The following KCNA10 variants were observed in gnomAD, a reference collection of about 807,000 sequenced individuals.
The protein encoded by KCNA10 is cyclic GMP gated potassium channel.
Under a neutral mutation model 21.4 loss-of-function variants are expected in KCNA10, and 16 were observed. The observed-to-expected ratio is 0.75, with a 90% CI of 0.51 to 1.14. KCNA10 has a LOEUF of 1.14. Among genes scored for constraint, KCNA10 ranks in the 50% most tolerant of loss-of-function variants. The pLI, the probability that KCNA10 is intolerant of heterozygous loss-of-function variation, is 0.00. For missense variants in KCNA10, 677 were observed against 649.1 expected (o/e 1.04, Z -0.47); for synonymous variants, 276 against 245.9 (o/e 1.12, Z -1.15).
Position 110,518,401 on chromosome 1 carries a change from A to C in KCNA10, c.387T>G (p.Tyr129Ter), listed in dbSNP as rs1647286384. ...MQFFDSMRNE[Y>*]FFDRNRPSFD... ...AACTGGGCCGGTTCCGATCAAAGAAATACTCATTTCTCATGGAGTCAAAGA... is the reference window on the plus strand; with the variant it reads ...AACTGGGCCGGTTCCGATCAAAGAACTACTCATTTCTCATGGAGTCAAAGA... Residue 129 changes from tyrosine (Y) to a stop codon, truncating the protein, a stop_gained, in exon 1 of 1, where the codon TAT becomes TAG. Coordinates refer to ENST00000369771, the MANE Select transcript of KCNA10 (RefSeq NM_005549.2). LOFTEE classifies it high-confidence loss of function. 6.2e-7 allele frequency: 1 copy of C among 1,614,114 alleles called. No individual in the cohort carries two copies. The highest frequency in any genetic ancestry group is 1.3e-5 in the African/African-American group (1 of 74,946).
chr1:110,518,251 G>A lies in KCNA10; in HGVS notation c.537C>T (p.Phe179=). The change falls in exon 1 of 1, where the codon TTC becomes TTT. Residue 179 remains phenylalanine, a synonymous_variant. Transcript: ENST00000369771. Reference sequence around the variant, plus strand: ...CTTTGATGAAGCCTTCATCCTCCCGGAACTGGTCCATGGCCTCACTACCCA... The same window carrying A: ...CTTTGATGAAGCCTTCATCCTCCCGAAACTGGTCCATGGCCTCACTACCCA... ...YELGSEAMDQ[F]REDEGFIKDP... The A allele has an allele frequency of 6.2e-7, 1 of 1,614,168 alleles. No individual in the cohort carries two copies. Among genetic ancestry groups the A allele is most frequent in the Non-Finnish European group, 8.5e-7 (1 of 1,180,028 alleles).
In KCNA10 at chr1:110,518,263, G is replaced by A. The variant is rs374239390; in HGVS notation, c.525C>T (p.Ala175=). ...EISFYELGSE[A]MDQFREDEGF... Reference sequence around the variant, plus strand: ...CTTCATCCTCCCGGAACTGGTCCATGGCCTCACTACCCAGCTCATAGAAGG... The same window carrying A: ...CTTCATCCTCCCGGAACTGGTCCATAGCCTCACTACCCAGCTCATAGAAGG... Residue 175 remains alanine, a synonymous_variant, in exon 1 of 1, where the codon GCC becomes GCT. Coordinates refer to ENST00000369771, the MANE Select transcript of KCNA10 (RefSeq NM_005549.2). 8.7e-6 allele frequency: 14 copies of A among 1,614,068 alleles called. No individual in the cohort carries two copies. Among genetic ancestry groups the A allele is most frequent in the Non-Finnish European group, 1.1e-5 (13 of 1,180,048 alleles).
In KCNA10 at chr1:110,517,891, G is replaced by T; in HGVS notation, c.897C>A (p.Phe299Leu). The change falls in exon 1 of 1, where the codon TTC becomes TTA. Residue 299 changes from phenylalanine to leucine, a missense_variant. Physicochemically the swap from Phe to Leu is conservative, Grantham distance 22. Transcript: ENST00000369771. ...CAATGATGTTCATGATGTTCCTGAA[G>T]AAGTCAGTCTTGCTGGGGCAGACCA... Reference protein sequence around the residue: ...RFVVCPSKTDFFRNIMNIIDI... With the variant: ...RFVVCPSKTDLFRNIMNIIDI... 2 of 1,614,104 alleles carry T rather than the reference G, an allele frequency of 1.2e-6. No individual in the cohort carries two copies. The highest frequency in any genetic ancestry group is 2.7e-5 in the African/African-American group (2 of 75,042).
rs781216125 is a variant in KCNA10 at position 110,517,692 on chromosome 1, G to A, written c.1096C>T (p.Gln366Ter). 1.1e-5 allele frequency: 17 copies of A among 1,614,072 alleles called. No individual in the cohort carries two copies. The highest frequency in any genetic ancestry group is 3.3e-5 in the Admixed American group (2 of 60,004). Residue 366 changes from glutamine to a stop codon, truncating the protein, a stop_gained, in exon 1 of 1, where the codon CAA (glutamine) becomes TAA (stop). Transcript: ENST00000369771. LOFTEE classifies it high-confidence loss of function. ...RHSKGLQILG[Q>*]TLKASMRELG... ...TCCCGCATGGACGCCTTCAGTGTTT[G>A]CCCGAGGATCTGCAGCCCCTTGGAG...
chr1:110,517,516 A>G lies in KCNA10; in HGVS notation c.1272T>C (p.Tyr424=). ...WAVVTMTTVG[Y]GDMCPTTPGG... The stretch of plus-strand genomic sequence containing the variant: ...CTGGGGTGGTCGGGCACATGTCCCC[A>G]TAGCCTACAGTTGTCATGGTGACCA... Residue 424 remains tyrosine, a synonymous_variant, in exon 1 of 1, where the codon TAT becomes TAC. Transcript: ENST00000369771. 6.2e-7 allele frequency: 1 copy of G among 1,614,210 alleles called. No homozygotes were observed. Among genetic ancestry groups the G allele is most frequent in the Non-Finnish European group, 8.5e-7 (1 of 1,180,040 alleles).
At position 110,517,750 on chromosome 1, in the gene KCNA10, C is replaced by T. The variant is rs1647259608; in HGVS notation, c.1038G>A (p.Val346=). Residue 346 remains valine, a synonymous_variant, in exon 1 of 1, where the codon GTG becomes GTA. Transcript: ENST00000369771. ...SLAILRIIRL[V]RVFRIFKLSR... ...AGAGCTTGAAGATGCGGAAGACCCTCACCAGGCGGATGATCCTCAGGATGG... is the reference window on the plus strand; with the variant it reads ...AGAGCTTGAAGATGCGGAAGACCCTTACCAGGCGGATGATCCTCAGGATGG... 2 of 1,614,188 alleles carry T rather than the reference C, an allele frequency of 1.2e-6. No homozygotes were observed. The highest frequency in any genetic ancestry group is 1.3e-5 in the African/African-American group (1 of 75,064).
rs529145838 is a variant in KCNA10, at chr1:110,518,965, G to T, written c.-178C>A. On this transcript the variant is annotated 5_prime_UTR_variant, in exon 1 of 1. Coordinates refer to ENST00000369771, the MANE Select transcript of KCNA10 (RefSeq NM_005549.2). ...ACTTATTTGTAGCTTGGGAAGGAAC[G>T]TCATGGTTATTTTGGCAGCATGCTT... The T allele has an allele frequency of 1.2e-5, 6 of 485,050 alleles. No homozygotes were observed. Among genetic ancestry groups the T allele is most frequent in the African/African-American group, 1.2e-4 (6 of 51,194 alleles). The allele number at this position is 485,050 out of a possible 1,614,324, so 30.0% of individuals were successfully genotyped here.
Position 110,518,656 on chromosome 1 carries a change from G to A in KCNA10, c.132C>T (p.Ser44=). The A allele has an allele frequency of 6.2e-7, 1 of 1,614,228 alleles. No individual in the cohort carries two copies. The highest frequency in any genetic ancestry group is 8.5e-7 in the Non-Finnish European group (1 of 1,180,038). ...TGAGGATCTTCCCGTTGGAGAAGGA[G>A]CTGCCCCCAGGCCGGCCTTTTGGGC... is the stretch of plus-strand genomic sequence containing the variant. ...STSPKGRPGG[S]SFSNGKILIS... is the part of the protein sequence containing the mutation. Residue 44 remains serine (S), a synonymous_variant, in exon 1 of 1, where the codon AGC becomes AGT. Coordinates refer to ENST00000369771, the MANE Select transcript of KCNA10 (RefSeq NM_005549.2).
rs1647310969 is a variant in KCNA10 at position 110,519,141 on chromosome 1, T to A, written c.-354A>T. On this transcript the variant is annotated 5_prime_UTR_variant, in exon 1 of 1. It removes the in-frame stop codon of an upstream open reading frame in the 5' UTR. Coordinates refer to ENST00000369771, the MANE Select transcript of KCNA10 (RefSeq NM_005549.2). Reference sequence around the variant, plus strand: ...AGAGGGGCCATACTAAAAGAGGAAGTTAACATTCCTTAATAATAAAAAGCA... The same window carrying A: ...AGAGGGGCCATACTAAAAGAGGAAGATAACATTCCTTAATAATAAAAAGCA... The A allele has an allele frequency of 5.1e-6, 1 of 197,296 alleles. No homozygotes were observed. Among genetic ancestry groups the A allele is most frequent in the African/African-American group, 2.3e-5 (1 of 42,578 alleles). 12.2% of individuals were successfully genotyped at this position (197,296 alleles called of 1,614,324 possible).
chr1:110,517,963 C>A lies in KCNA10; in HGVS notation c.825G>T (p.Glu275Asp). The change falls in exon 1 of 1, where the codon GAG becomes GAT. Residue 275 changes from glutamate to aspartate, a missense_variant. Transcript: ENST00000369771. ...AGGTGAACCACACGATGCAGGTAGA[C>A]TCCACCATGAAGAAAGGGTCGGTGA... Reference protein sequence around the residue: ...TMFTDPFFMVESTCIVWFTFE... With the variant: ...TMFTDPFFMVDSTCIVWFTFE... 6.2e-7 allele frequency: 1 copy of A among 1,613,836 alleles called. No individual in the cohort carries two copies. Among genetic ancestry groups the A allele is most frequent in the Non-Finnish European group, 8.5e-7 (1 of 1,180,012 alleles).
rs1336054869 is a variant in KCNA10, at chr1:110,517,339, G to A, written c.1449C>T (p.Ile483=). The change falls in exon 1 of 1, where the codon ATC becomes ATT. Residue 483 remains isoleucine (I), a synonymous_variant. Transcript: ENST00000369771. ...CCATTCTTGAGCCTACACTGTTGAG[G>A]ATTCTTTCAATTTCTCCTGGGATGT... The part of the protein sequence containing the change: ...KQNIPGEIER[I]LNSVGSRMGS... 1 of 1,614,170 alleles carries A rather than the reference G, an allele frequency of 6.2e-7. No homozygotes were observed. The highest frequency in any genetic ancestry group is 2.2e-5 in the East Asian group (1 of 44,882).
At position 110,518,226 on chromosome 1, in the gene KCNA10, C is replaced by A; in HGVS notation, c.562G>T (p.Asp188Tyr). 1.9e-6 allele frequency: 3 copies of A among 1,613,600 alleles called. No individual in the cohort carries two copies. In the South Asian group the frequency reaches 3.3e-5, roughly 18 times the overall value. The part of the protein sequence containing the change: ...QFREDEGFIK[D>Y]PETLLPTNDI... ...TTGGTGGGTAGCAGTGTTTCAGGGT[C>A]TTTGATGAAGCCTTCATCCTCCCGG... The change falls in exon 1 of 1, where the codon GAC becomes TAC. Residue 188 changes from aspartate (D) to tyrosine (Y), a missense_variant. Physicochemically the swap from Asp to Tyr is radical, Grantham distance 160. Coordinates refer to ENST00000369771, the MANE Select transcript of KCNA10 (RefSeq NM_005549.2).
chr1:110,518,472 G>C lies in KCNA10; in HGVS notation c.316C>G (p.Gln106Glu). The change falls in exon 1 of 1, where the codon CAG becomes GAG. Residue 106 changes from glutamine (Q) to glutamate (E), a missense_variant. By Grantham distance (29) the Gln-to-Glu change is conservative (BLOSUM62 2). Transcript: ENST00000369771. ...RFETQLRTLS[Q>E]FPETLLGDRE... is the part of the protein sequence containing the mutation. ...TCTCCCAGGAGAGTCTCTGGGAACT[G>C]ACTAAGGGTTCTGAGCTGGGTCTCA... The C allele has an allele frequency of 6.2e-7, 1 of 1,614,200 alleles. No individual in the cohort carries two copies. The highest frequency in any genetic ancestry group is 8.5e-7 in the Non-Finnish European group (1 of 1,180,038).
rs373944479 is a variant in KCNA10, at chr1:110,518,330, C to T, written c.458G>A (p.Arg153His). The part of the protein sequence containing the change: ...YYYQSGGKIR[R>H]PANVPIDIFA... Reference sequence around the variant, plus strand: ...GATATCAATGGGAACATTGGCTGGGCGCCGAATTTTCCCACCAGATTGGTA... The same window carrying T: ...GATATCAATGGGAACATTGGCTGGGTGCCGAATTTTCCCACCAGATTGGTA... Residue 153 changes from arginine (R) to histidine (H), a missense_variant, in exon 1 of 1, where the codon CGC (arginine) becomes CAC (histidine). Coordinates refer to ENST00000369771, the MANE Select transcript of KCNA10 (RefSeq NM_005549.2). 8.4e-5 allele frequency: 135 copies of T among 1,614,096 alleles called. No individual in the cohort carries two copies. Among genetic ancestry groups the T allele is most frequent in the Non-Finnish European group, 1.0e-4 (119 of 1,180,044 alleles).
chr1:110,517,988 A>G lies in KCNA10; in HGVS notation c.800T>C (p.Phe267Ser). The G allele has an allele frequency of 6.2e-7, 1 of 1,613,940 alleles. No individual in the cohort carries two copies. Among genetic ancestry groups the G allele is most frequent in the South Asian group, 1.1e-5 (1 of 91,054 alleles). The change falls in exon 1 of 1, where the codon TTC becomes TCC. Residue 267 changes from phenylalanine to serine, a missense_variant. Coordinates refer to ENST00000369771, the MANE Select transcript of KCNA10 (RefSeq NM_005549.2). ...MSKTVLSQTM[F>S]TDPFFMVEST... ...CTCCACCATGAAGAAAGGGTCGGTG[A>G]ACATGGTCTGGGAGAGGACTGTCTT...
In KCNA10 at chr1:110,517,405, A is replaced by C. The variant is rs1251481075; in HGVS notation, c.1383T>G (p.Asn461Lys). 6.2e-7 allele frequency: 1 copy of C among 1,614,138 alleles called. No individual in the cohort carries two copies. The change falls in exon 1 of 1, where the codon AAT becomes AAG. Residue 461 changes from asparagine to lysine, a missense_variant. Asn to Lys is a moderately conservative substitution (Grantham distance 94, BLOSUM62 0). Coordinates refer to ENST00000369771, the MANE Select transcript of KCNA10 (RefSeq NM_005549.2). Reference sequence around the variant, plus strand: ...TCTCAGTCTCCCGGTGGTAGAAGTAATTGAAGTTGGAGACAATGACAGGCA... The same window carrying C: ...TCTCAGTCTCCCGGTGGTAGAAGTACTTGAAGTTGGAGACAATGACAGGCA... ...LPVPVIVSNF[N>K]YFYHRETENE...
chr1:110,518,010 T>A lies in KCNA10; in HGVS notation c.778A>T (p.Thr260Ser), dbSNP rs1236453035. 1 of 1,613,848 alleles carries A rather than the reference T, an allele frequency of 6.2e-7. No homozygotes were observed. ...VRDPNLNMSK[T>S]VLSQTMFTDP... ...GTGAACATGGTCTGGGAGAGGACTG[T>A]CTTGCTCATGTTGAGATTGGGGTCT... The change falls in exon 1 of 1, where the codon ACA becomes TCA. Residue 260 changes from threonine to serine, a missense_variant. By Grantham distance (58) the Thr-to-Ser change is moderately conservative. Coordinates refer to ENST00000369771, the MANE Select transcript of KCNA10 (RefSeq NM_005549.2).
Position 110,517,463 on chromosome 1 carries a change from GCA to G in KCNA10, c.1323_1324del (p.Ala442HisfsTer27). The G allele has an allele frequency of 6.2e-7, 1 of 1,614,160 alleles. No individual in the cohort carries two copies. Among genetic ancestry groups the G allele is most frequent in the African/African-American group, 1.3e-5 (1 of 75,048 alleles). On this transcript the variant is annotated frameshift_variant, in exon 1 of 1. Transcript: ENST00000369771. LOFTEE classifies it high-confidence loss of function. ...GGCAATGGTGAGGACCCCTGCAATG[GCA>G]CACAGAGTGCCCACAATCTTCCCCC...
In KCNA10 at chr1:110,517,301, G is replaced by A; in HGVS notation, c.1487C>T (p.Ser496Phe). ...ACAGCCACCATTGGTCTTATTAAGA[G>A]AGTCTGTGCTGCCCATTCTTGAGCC... ...SVGSRMGSTDSLNKTNGGCST... is the reference protein window; with the variant it reads ...SVGSRMGSTDFLNKTNGGCST... Residue 496 changes from serine to phenylalanine, a missense_variant, in exon 1 of 1, where the codon TCT (serine) becomes TTT (phenylalanine). Transcript: ENST00000369771. 6.2e-7 allele frequency: 1 copy of A among 1,614,194 alleles called. No individual in the cohort carries two copies. The highest frequency in any genetic ancestry group is 1.1e-5 in the South Asian group (1 of 91,084).
Sources: allele counts gnomAD v4.1 joint callset, GRCh38; gene constraint gnomAD v4.1.1; transcripts MANE v1.5; gene names NCBI Gene and HGNC (gene_info 2026-07-23, HGNC 2026-07-21).